The following BCLAF3 variants were observed in gnomAD, a reference collection of about 807,000 sequenced individuals.
BCLAF3 encodes transient octamer binding factor 1.
In BCLAF3, 24 loss-of-function variants were observed where a neutral mutation model predicts 51.2. The ratio of observed to expected loss-of-function variants is 0.47; its 90% CI spans 0.34 to 0.66. The LOEUF is 0.66. Ranked by LOEUF, BCLAF3 falls within the 30% of genes least tolerant of loss-of-function variation. The probability of loss-of-function intolerance (pLI) is 0.01; values close to 1 mark genes in which losing one functional copy is unlikely to be tolerated. For synonymous variants in BCLAF3, 152 were observed against 176.6 expected (o/e 0.86, Z 1.10); for missense variants, 465 against 525.1 (o/e 0.89, Z 1.12).
In BCLAF3 at chrX:19,936,579, C is replaced by A. The variant is rs183695755; in HGVS notation, c.1861-681G>T. On this transcript the variant is annotated intron_variant, in intron 9 of 11. Transcript: ENST00000379682. The stretch of plus-strand genomic sequence containing the variant: ...AACTGCTGACATGGCTCCCAGTGAT[C>A]CGACCAATTATTCCTCCCTTCGAGT... 4.1e-3 allele frequency among the ~76,000 whole-genome samples: 463 copies of A among 111,644 alleles called. 2 individuals carry two copies. The highest frequency in any genetic ancestry group is 0.014 in the African/African-American group (434 of 30,726).
chrX:19,939,127 G>A (rs1277825535), intron 8 of BCLAF3, among the ~76,000 whole-genome samples: 1 of 111,880 alleles, frequency 8.9e-6, no homozygotes, highest in Non-Finnish European at 1.9e-5. Context: ...AGAGTAAAGT[G>A]CAAAGTTGTA....
chrX:19,937,540 G>A lies in BCLAF3; in HGVS notation c.1746-8C>T. 2.2e-6 allele frequency: 2 copies of A among 901,657 alleles called. No homozygotes were observed. Among genetic ancestry groups the A allele is most frequent in the Non-Finnish European group, 1.5e-6 (1 of 645,336 alleles). The allele number at this position is 901,657 out of a possible 1,213,427, so 74.3% of individuals were successfully genotyped here. ...CTGGAATTCTGATCATCCCTAATAAGGAAACAGAGAAAATAAGAATATTTT... is the reference window on the plus strand; with the variant it reads ...CTGGAATTCTGATCATCCCTAATAAAGAAACAGAGAAAATAAGAATATTTT... On this transcript the variant is annotated splice_region_variant and splice_polypyrimidine_tract_variant and intron_variant, in intron 8 of 11. Transcript: ENST00000379682.
chrX:19,955,685 CA>C, intron 4 of BCLAF3, 119 bp from the exon 5 acceptor site: 1 of 523,044 alleles, frequency 1.9e-6, no homozygotes, highest in Non-Finnish European at 2.9e-6. Context: ...ATAATTAAGG[CA>C]CTAAATTCCA....
chrX:19,954,731 TA>T (rs1390812529), intron 5 of BCLAF3, among the ~76,000 whole-genome samples: 1 of 112,026 alleles, frequency 8.9e-6, no homozygotes. Context: ...AAGCACAAAA[TA>T]AAAAATTTTA....
chrX:19,989,586 A>T (rs1007832211), intron 1 of BCLAF3, among the ~76,000 whole-genome samples: 2 of 112,548 alleles, frequency 1.8e-5, no homozygotes, highest in African/African-American at 6.5e-5. Context: ...TTATAATATT[A>T]CAGCCATATA....
chrX:19,930,039 G>A lies in BCLAF3; in HGVS notation c.1951-99C>T, dbSNP rs112681703. The A allele has an allele frequency of 1.0e-4, 87 of 829,570 alleles. 3 individuals carry two copies. The highest frequency in any genetic ancestry group is 6.6e-4 in the African/African-American group (32 of 48,165). The allele number at this position is 829,570 out of a possible 1,213,427, so 68.4% of individuals were successfully genotyped here. A position where few individuals can be genotyped will look rare whatever the true frequency, so the allele number is the denominator to read the frequency against. ...TGGGTGGTTGGGTGCAGTAGCTCAC[G>A]CCTGTAATCCCAGCACTTTGGGAGA... On this transcript the variant is annotated intron_variant, in intron 10 of 11. Transcript: ENST00000379682.
chrX:19,932,419 G>A (rs1234424748), intron 10 of BCLAF3, among the ~76,000 whole-genome samples: 2 of 111,386 alleles, frequency 1.8e-5, no homozygotes, highest in Non-Finnish European at 3.8e-5. Context: ...AATGATTAAG[G>A]CTGAAAACAG....
chrX:19,937,048 A>AT (rs1222870609), intron 9 of BCLAF3, among the ~76,000 whole-genome samples: 1 of 111,004 alleles, frequency 9.0e-6, no homozygotes, highest in Non-Finnish European at 1.9e-5. Flanking sequence ...TTATTATTAT[A>AT]TTTTTTTGTA....
intron 8 of BCLAF3, among the ~76,000 whole-genome samples, chrX:19,950,103 C>T (rs1342861009): frequency 9.0e-6 from 1 of 111,559 alleles, no homozygotes; most frequent in African/African-American, 3.3e-5. Flanking sequence ...CTCATAACTG[C>T]CCCATAGCAT....
chrX:19,926,548 T>C (rs763403969), intron 11 of BCLAF3, among the ~76,000 whole-genome samples: 1 of 111,292 alleles, frequency 9.0e-6, no homozygotes, highest in East Asian at 2.8e-4. Context: ...ATAGAAACTA[T>C]AAGCTGAAGC....
chrX:19,987,696 AAGTT>A (rs775935733), intron 1 of BCLAF3, among the ~76,000 whole-genome samples: 1 of 112,462 alleles, frequency 8.9e-6, no homozygotes, highest in African/African-American at 3.2e-5. Context: ...TAGGAATACA[AAGTT>A]AGAAGAGACC....
intron 2 of BCLAF3, among the ~76,000 whole-genome samples, chrX:19,967,972 A>T (rs758032509): frequency 3.8e-4 from 43 of 112,326 alleles, no homozygotes; most frequent in South Asian, 1.5e-3. Flanking sequence ...TCATCACAGG[A>T]GGAAGCAAGT....
intron 8 of BCLAF3, among the ~76,000 whole-genome samples, chrX:19,949,765 T>TGTATTTGA (rs1231985611): frequency 2.7e-5 from 3 of 112,616 alleles, no homozygotes; most frequent in Non-Finnish European, 5.6e-5. Flanking sequence ...ATACATTATC[T>TGTATTTGA]TAGCAATTTG....
intron 1 of BCLAF3, among the ~76,000 whole-genome samples, chrX:19,990,588 G>A (rs1002192898): frequency 3.5e-5 from 4 of 113,213 alleles, no homozygotes; most frequent in Non-Finnish European, 7.5e-5. Context: ...AGGGAACCGC[G>A]GGGACCGCAA....
chrX:19,983,922 T>A (rs1315562363), intron 1 of BCLAF3, among the ~76,000 whole-genome samples: 1 of 106,570 alleles, frequency 9.4e-6, no homozygotes, highest in African/African-American at 3.4e-5. Context: ...TATAAAAAAA[T>A]GTAGCTGGGC....
chrX:19,924,429 C>T lies in BCLAF3; in HGVS notation c.2106+5356G>A, dbSNP rs148068604. On this transcript the variant is annotated intron_variant, in intron 11 of 11. Coordinates refer to ENST00000379682, the MANE Select transcript of BCLAF3 (RefSeq NM_001367774.2). Reference sequence around the variant, plus strand: ...TCCTAAGTGCTTGAAAGTGATGATGCCCTTATGCAACACTTCCTTTGCACC... The same window carrying T: ...TCCTAAGTGCTTGAAAGTGATGATGTCCTTATGCAACACTTCCTTTGCACC... 8.5e-3 allele frequency among the ~76,000 whole-genome samples: 953 copies of T among 111,466 alleles called. 4 individuals are homozygous for T. Among genetic ancestry groups the T allele is most frequent in the Middle Eastern group, 0.019 (4 of 214 alleles).
intron 8 of BCLAF3, among the ~76,000 whole-genome samples, chrX:19,938,686 C>T (rs898555930): frequency 1.8e-5 from 2 of 112,788 alleles, no homozygotes; most frequent in African/African-American, 6.4e-5. Flanking sequence ...CGTGAGCCAC[C>T]GTGCCCAGCC....
rs2069948196 is a variant in BCLAF3, at chrX:19,916,829, G to C, written c.*476C>G. The C allele has an allele frequency of 8.7e-6, 1 of 115,171 alleles. No individual in the cohort carries two copies. Among genetic ancestry groups the C allele is most frequent in the African/African-American group, 3.2e-5 (1 of 30,830 alleles). The allele number at this position is 115,171 out of a possible 1,213,427, so 9.5% of individuals were successfully genotyped here. On this transcript the variant is annotated 3_prime_UTR_variant, in exon 12 of 12. Transcript: ENST00000379682. ...CTTCAGAAACTTAAGAAAACTTCGA[G>C]TTATAAGCCAAAATGTCATCAGAAA... is the stretch of plus-strand genomic sequence containing the variant.
chrX:19,950,649 C>T, intron 8 of BCLAF3, 104 bp downstream of exon 8: 1 of 519,481 alleles, frequency 1.9e-6, no homozygotes, highest in Non-Finnish European at 3.1e-6. Flanking sequence ...TTTGAAGGAG[C>T]AAATCCCTAT....
Sources: allele counts gnomAD v4.1 joint callset (sites outside exome capture counted in the v4.1 genomes callset), GRCh38; gene constraint gnomAD v4.1.1; transcripts MANE v1.5; gene names NCBI Gene and HGNC (gene_info 2026-07-23, HGNC 2026-07-21).